Variants in MARCHF11 observed in about 807,000 individuals in gnomAD.
MARCHF11 encodes E3 ubiquitin-protein ligase MARCHF11.
MARCHF11 carries 29 observed loss-of-function variants against 37.3 expected under a neutral mutation model. The ratio of observed to expected loss-of-function variants is 0.78; its 90% CI spans 0.58 to 1.06. The LOEUF (loss-of-function observed/expected upper bound fraction) is 1.06. Ranked by LOEUF, MARCHF11 falls within the 50% of genes least tolerant of loss-of-function variation. The pLI is 0.00. For missense variants in MARCHF11, 482 were observed against 533.4 expected, an observed-to-expected ratio of 0.90 and a Z score of 0.95; for synonymous variants, 233 against 228.0, an observed-to-expected ratio of 1.02 and a Z score of -0.20.
At chr5:16,160,946 C>G (rs1314324645) in intron 2 of MARCHF11, among the ~76,000 whole-genome samples, 1 of 151,976 alleles carries the variant, frequency 6.6e-6, no homozygotes, top group Non-Finnish European at 1.5e-5. Flanking sequence ...TAAAGCTCTT[C>G]TGACGTCTAA....
chr5:16,125,125 G>A (rs1490758921), intron 2 of MARCHF11, among the ~76,000 whole-genome samples: 1 of 151,374 alleles, frequency 6.6e-6, no homozygotes. Flanking sequence ...GCAAAGTGGT[G>A]TTTAAGCCAT....
intron 2 of MARCHF11, among the ~76,000 whole-genome samples, chr5:16,139,894 T>A (rs1400039587): frequency 1.3e-5 from 2 of 152,156 alleles, no homozygotes; most frequent in African/African-American, 4.8e-5. Flanking sequence ...TCTCTACAAA[T>A]TTTTATGGGA....
rs1421571123 is a variant in MARCHF11 at position 16,125,617 on chromosome 5, CTCTGTGTGTGTGTGTG to C, written c.694-34552_694-34537del. On this transcript the variant is annotated intron_variant, in intron 2 of 3. Coordinates refer to ENST00000332432, the MANE Select transcript of MARCHF11 (RefSeq NM_001102562.3). ...CTCAGCTGGTGCACCCTGGCACACT[CTCTGTGTGTGTGTGTG>C]TGTGTGTGTGTGTGTGTGTGTGTGT... Among the ~76,000 whole-genome samples the C allele has an allele frequency of 1.1e-4, 13 of 117,026 alleles. 1 individual carries two copies. Among genetic ancestry groups the C allele is most frequent in the African/African-American group, 3.7e-4 (11 of 29,606 alleles). The allele number at this position is 117,026 out of a possible 152,430, so 76.8% of individuals were successfully genotyped here.
At chr5:16,070,583 G>C (rs181088549) in intron 3 of MARCHF11, among the ~76,000 whole-genome samples, 1 of 152,110 alleles carries the variant, frequency 6.6e-6, no homozygotes, top group African/African-American at 2.4e-5. Flanking sequence ...TCCTTTGCAA[G>C]GCCAGAAATC....
rs190720072 is a variant in MARCHF11 at position 16,109,078 on chromosome 5, C to T, written c.694-17997G>A. Reference sequence around the variant, plus strand: ...TACCTACTTCAGGGATTATGAATTGCTTGGAGCATCTGTGACATAAGAAAT... The same window carrying T: ...TACCTACTTCAGGGATTATGAATTGTTTGGAGCATCTGTGACATAAGAAAT... On this transcript the variant is annotated intron_variant, in intron 2 of 3. Coordinates refer to ENST00000332432, the MANE Select transcript of MARCHF11 (RefSeq NM_001102562.3). Among the ~76,000 whole-genome samples the T allele has an allele frequency of 1.4e-4, 21 of 150,506 alleles. No individual in the cohort carries two copies. The East Asian group carries it at 3.9e-3, about 28-fold the overall frequency.
At chr5:16,092,466 A>G (rs1736803450) in intron 2 of MARCHF11, among the ~76,000 whole-genome samples, 1 of 152,236 alleles carries the variant, frequency 6.6e-6, no homozygotes, top group South Asian at 2.1e-4. Context: ...ATTTAGTGAG[A>G]AATGGTTTGT....
At chr5:16,133,955 C>T (rs1218714667) in intron 2 of MARCHF11, among the ~76,000 whole-genome samples, 2 of 152,088 alleles carry the variant, frequency 1.3e-5, no homozygotes, top group African/African-American at 4.8e-5. Flanking sequence ...AACTCTAATA[C>T]CTGCACAGAA....
intron 2 of MARCHF11, among the ~76,000 whole-genome samples, chr5:16,092,251 C>A (rs1459938963): frequency 6.6e-6 from 1 of 152,120 alleles, no homozygotes; most frequent in Non-Finnish European, 1.5e-5. Context: ...TTACATGTAA[C>A]ATTTTTAAGT....
chr5:16,147,169 T>C (rs1377219203), intron 2 of MARCHF11, among the ~76,000 whole-genome samples: 1 of 152,166 alleles, frequency 6.6e-6, no homozygotes, highest in Non-Finnish European at 1.5e-5. Context: ...TTTTGACTGG[T>C]GAATCTGTAG....
chr5:16,121,333 C>T (rs1037784343), intron 2 of MARCHF11, among the ~76,000 whole-genome samples: 1 of 152,064 alleles, frequency 6.6e-6, no homozygotes, highest in Non-Finnish European at 1.5e-5. Context: ...TATGCCTTGC[C>T]CATTAGACTG....
chr5:16,095,510 T>C (rs7736679), intron 2 of MARCHF11, among the ~76,000 whole-genome samples: 60,980 of 144,116 alleles, frequency 0.42, 14,172 homozygotes, highest in East Asian at 0.58. Flanking sequence ...GGGAGGGAGA[T>C]CCCTCAATTC....
rs73044670 is a variant in MARCHF11, at chr5:16,145,678, T to C, written c.693+32048A>G. ...AGACCAGTCTCAATAATGATAGAAGTGGATTCTGGAAAAATATAAATAAAC... is the reference window on the plus strand; with the variant it reads ...AGACCAGTCTCAATAATGATAGAAGCGGATTCTGGAAAAATATAAATAAAC... On this transcript the variant is annotated intron_variant, in intron 2 of 3. Transcript: ENST00000332432. Among the ~76,000 whole-genome samples, 1,271 of 152,220 alleles carry C rather than the reference T, an allele frequency of 8.3e-3. 24 individuals are homozygous for C. The highest frequency in any genetic ancestry group is 0.029 in the African/African-American group (1,197 of 41,546).
At chr5:16,144,250 T>C (rs1357053434) in intron 2 of MARCHF11, among the ~76,000 whole-genome samples, 4 of 152,192 alleles carry the variant, frequency 2.6e-5, no homozygotes, top group Non-Finnish European at 5.9e-5. Flanking sequence ...TGTGCAGCAT[T>C]AGAAAACATA....
intron 2 of MARCHF11, among the ~76,000 whole-genome samples, chr5:16,139,272 T>C (rs1024888473): frequency 2.6e-5 from 4 of 152,136 alleles, no homozygotes; most frequent in African/African-American, 9.7e-5. Context: ...TCTCATGAGA[T>C]CTGATGGTTT....
chr5:16,131,064 G>C (rs1737507311), intron 2 of MARCHF11, among the ~76,000 whole-genome samples: 2 of 152,202 alleles, frequency 1.3e-5, no homozygotes, highest in African/African-American at 4.8e-5. Context: ...GCAGAGGATA[G>C]CCTGAATAAT....
chr5:16,124,721 T>A (rs188691588), intron 2 of MARCHF11, among the ~76,000 whole-genome samples: 2 of 151,772 alleles, frequency 1.3e-5, no homozygotes, highest in African/African-American at 4.8e-5. Flanking sequence ...CTCAAGGAAC[T>A]TTACTTCCAT....
At chr5:16,176,108 T>G (rs1047074316) in intron 2 of MARCHF11, among the ~76,000 whole-genome samples, 1 of 151,706 alleles carries the variant, frequency 6.6e-6, no homozygotes, top group South Asian at 2.1e-4. Context: ...TTTTTTTTTT[T>G]GCCCCAGCTC....
Position 16,179,158 on chromosome 5 carries a change from C to G in MARCHF11, c.418G>C (p.Glu140Gln). ...CGGCTGCTGCACACCGAGCGCGTCTCGGGCTGGTCTCCGGCGCCCCGCCGC... is the reference window on the plus strand; with the variant it reads ...CGGCTGCTGCACACCGAGCGCGTCTGGGGCTGGTCTCCGGCGCCCCGCCGC... Reference protein sequence around the residue: ...RERRGAGDQPETRSVCSSRSS... With the variant: ...RERRGAGDQPQTRSVCSSRSS... Residue 140 changes from glutamate (E) to glutamine (Q), a missense_variant, in exon 1 of 4, where the codon GAG (glutamate) becomes CAG (glutamine). Coordinates refer to ENST00000332432, the MANE Select transcript of MARCHF11 (RefSeq NM_001102562.3). The G allele has an allele frequency of 3.5e-6, 5 of 1,439,928 alleles. No individual in the cohort carries two copies. Among genetic ancestry groups the G allele is most frequent in the Non-Finnish European group, 4.5e-6 (5 of 1,102,832 alleles). The allele number at this position is 1,439,928 out of a possible 1,614,324, so 89.2% of individuals were successfully genotyped here.
Position 16,108,032 on chromosome 5 carries a change from G to A in MARCHF11, c.694-16951C>T, listed in dbSNP as rs146930816. ...TCCATGACGCTGGACAAGAGCTCAG[G>A]ATACAGAAAGCTGTCATACTGGCCT... On this transcript the variant is annotated intron_variant, in intron 2 of 3. Transcript: ENST00000332432. Among the ~76,000 whole-genome samples the A allele has an allele frequency of 1.2e-3, 190 of 152,338 alleles. 1 individual carries two copies. The highest frequency in any genetic ancestry group is 4.1e-3 in the African/African-American group (170 of 41,574).
Sources: gnomAD v4.1 joint callset for allele counts (sites outside exome capture counted in the v4.1 genomes callset) on GRCh38, gnomAD v4.1.1 for gene constraint, MANE v1.5 for transcripts, NCBI Gene and HGNC (gene_info 2026-07-23, HGNC 2026-07-21) for gene names.